UBE2M: variants seen among roughly 807,000 people sequenced by gnomAD.
UBE2M encodes the protein ubiquitin conjugating enzyme E2 M.
Under a neutral mutation model 23.5 loss-of-function variants are expected in UBE2M, and 2 were observed. The observed-to-expected ratio is 0.09, with a 90% CI of 0.03 to 0.27. UBE2M has a LOEUF of 0.27. UBE2M is among the 10% of genes least tolerant of loss of function. The probability of loss-of-function intolerance (pLI) is 1.00; values close to 1 mark genes in which losing one functional copy is unlikely to be tolerated. For missense variants in UBE2M, 103 were observed against 232.9 expected (o/e 0.44, Z 3.63); for synonymous variants, 97 against 95.2 (o/e 1.02, Z -0.11).
chr19:58,555,980 G>A lies in UBE2M; in HGVS notation c.*109C>T. ...AGGAAGGGGAGGCAAGGCCAAGGCA[G>A]GGGATTCCCCCACCGGCCGCCCCCC... is the stretch of plus-strand genomic sequence containing the variant. On this transcript the variant is annotated 3_prime_UTR_variant, in exon 6 of 6. Transcript: ENST00000253023. 3 of 1,453,758 alleles carry A rather than the reference G, an allele frequency of 2.1e-6. No individual in the cohort carries two copies. The highest frequency in any genetic ancestry group is 2.8e-6 in the Non-Finnish European group (3 of 1,087,170). 90.1% of individuals were successfully genotyped at this position (1,453,758 alleles called of 1,614,324 possible). A position where few individuals can be genotyped will look rare whatever the true frequency, so the allele number is the denominator to read the frequency against.
In UBE2M at chr19:58,556,401, G is replaced by C; in HGVS notation, c.348-22C>G. 2 of 1,612,840 alleles carry C rather than the reference G, an allele frequency of 1.2e-6. No homozygotes were observed. Among genetic ancestry groups the C allele is most frequent in the Non-Finnish European group, 1.7e-6 (2 of 1,179,650 alleles). ...CTCTCTGTGGACAGAGAGCATCAGG[G>C]TCAGGGCTTGGTGAGTGGGAGACTG... On this transcript the variant is annotated intron_variant, in intron 4 of 5. Coordinates refer to ENST00000253023, the MANE Select transcript of UBE2M (RefSeq NM_003969.4). The surrounding 1 kb of genome is among the most constrained non-coding windows in gnomAD (Gnocchi z 4.9).
In UBE2M at chr19:58,556,707, G is replaced by A. The variant is rs1208952575; in HGVS notation, c.327C>T (p.Asn109=). 2.6e-6 allele frequency: 4 copies of A among 1,530,386 alleles called. No individual in the cohort carries two copies. The highest frequency in any genetic ancestry group is 2.6e-5 in the South Asian group (2 of 76,616). The allele number at this position is 1,530,386 out of a possible 1,614,324, so 94.8% of individuals were successfully genotyped here. A position where few individuals can be genotyped will look rare whatever the true frequency, so the allele number is the denominator to read the frequency against. Residue 109 remains asparagine (N), a synonymous_variant, in exon 4 of 6, where the codon AAC becomes AAT. Coordinates refer to ENST00000253023, the MANE Select transcript of UBE2M (RefSeq NM_003969.4). This position sits in a 1 kb window ranked among gnomAD's most constrained non-coding sequence, Gnocchi z 4.9. ...VYHPNIDLEG[N]VCLNILREDW... ...CTCACCTGAGGATGTTGAGGCAGAC[G>A]TTGCCCTCGAGGTCAATGTTGGGGT...
In UBE2M at chr19:58,558,567, C is replaced by T. The variant is rs919234607; in HGVS notation, c.-186G>A. ...TCCGCGCCCACCGCGCGGCCCGCCTCGGCTCCCGTAGTCCGGCTCCGGCCT... is the reference window on the plus strand; with the variant it reads ...TCCGCGCCCACCGCGCGGCCCGCCTTGGCTCCCGTAGTCCGGCTCCGGCCT... On this transcript the variant is annotated 5_prime_UTR_variant, in exon 1 of 6. Transcript: ENST00000253023. The surrounding 1 kb of genome is among the most constrained non-coding windows in gnomAD (Gnocchi z 4.7). 2.4e-5 allele frequency: 4 copies of T among 166,164 alleles called. No individual in the cohort carries two copies. Among genetic ancestry groups the T allele is most frequent in the African/African-American group, 9.6e-5 (4 of 41,554 alleles). The allele number at this position is 166,164 out of a possible 1,614,324, so 10.3% of individuals were successfully genotyped here.
chr19:58,556,274 G>C lies in UBE2M; in HGVS notation c.411+42C>G. On this transcript the variant is annotated intron_variant, in intron 5 of 5. Transcript: ENST00000253023. The surrounding 1 kb of genome is among the most constrained non-coding windows in gnomAD (Gnocchi z 4.9). ...GGGGGGTCAACAGGCCAGAGGGACA[G>C]AAGGCCAATCTCCCCAGACCCAACC... 6.2e-7 allele frequency: 1 copy of C among 1,614,058 alleles called. No individual in the cohort carries two copies. The highest frequency in any genetic ancestry group is 8.5e-7 in the Non-Finnish European group (1 of 1,179,928).
At position 58,558,316 on chromosome 19, in the gene UBE2M, G is replaced by C; in HGVS notation, c.66C>G (p.Gly22=). 1 of 1,600,774 alleles carries C rather than the reference G, an allele frequency of 6.2e-7. No homozygotes were observed. The highest frequency in any genetic ancestry group is 8.5e-7 in the Non-Finnish European group (1 of 1,174,714). ...GCGCCGCCGACGCCTTCTTGCTGCT[G>C]CCCTTGGTGCCGCCCGCCGACTCCT... ...KEEESAGGTK[G]SSKKASAAQL... is the part of the protein sequence containing the mutation. The change falls in exon 1 of 6, where the codon GGC becomes GGG. Residue 22 remains glycine, a synonymous_variant. Coordinates refer to ENST00000253023, the MANE Select transcript of UBE2M (RefSeq NM_003969.4). The surrounding 1 kb of genome is among the most constrained non-coding windows in gnomAD (Gnocchi z 4.7).
Position 58,555,793 on chromosome 19 carries a change from C to T in UBE2M, c.*296G>A, listed in dbSNP as rs2053885105. 1.4e-5 allele frequency: 6 copies of T among 433,338 alleles called. No individual in the cohort carries two copies. The highest frequency in any genetic ancestry group is 5.5e-5 in the South Asian group (2 of 36,498). 26.8% of individuals were successfully genotyped at this position (433,338 alleles called of 1,614,324 possible). A position where few individuals can be genotyped will look rare whatever the true frequency, so the allele number is the denominator to read the frequency against. On this transcript the variant is annotated 3_prime_UTR_variant, in exon 6 of 6. Transcript: ENST00000253023. ...TTGCCTGGGCCCAGCTACCCAGGCCCGTTGCCCACCCACTCCACAGCCCAG... is the reference window on the plus strand; with the variant it reads ...TTGCCTGGGCCCAGCTACCCAGGCCTGTTGCCCACCCACTCCACAGCCCAG...
rs974522794 is a variant in UBE2M, at chr19:58,555,737, C to T, written c.*352G>A. 1.7e-4 allele frequency: 51 copies of T among 308,390 alleles called. No homozygotes were observed. In the South Asian group the frequency reaches 1.7e-3, roughly 10 times the overall value. 19.1% of individuals were successfully genotyped at this position (308,390 alleles called of 1,614,324 possible). A position where few individuals can be genotyped will look rare whatever the true frequency, so the allele number is the denominator to read the frequency against. On this transcript the variant is annotated 3_prime_UTR_variant, in exon 6 of 6. Transcript: ENST00000253023. ...TGCAGTAACATTCCCCTTTAATAGC[C>T]TGGTGGGACCTCCAGAGGTGGAGGG...
Position 58,555,935 on chromosome 19 carries a change from A to T in UBE2M, c.*154T>A, listed in dbSNP as rs1211283607. On this transcript the variant is annotated 3_prime_UTR_variant, in exon 6 of 6. Transcript: ENST00000253023. ...AATCACATGGTGTTAAAAAAAAAAA[A>T]ATAACTAGGGGCACGTGGCAGGAAG... 19 of 1,102,612 alleles carry T rather than the reference A, an allele frequency of 1.7e-5. No homozygotes were observed. Among genetic ancestry groups the T allele is most frequent in the Non-Finnish European group, 2.4e-5 (19 of 796,624 alleles). The allele number at this position is 1,102,612 out of a possible 1,614,324, so 68.3% of individuals were successfully genotyped here.
In UBE2M at chr19:58,555,793, C is replaced by G; in HGVS notation, c.*296G>C. 9 of 433,338 alleles carry G rather than the reference C, an allele frequency of 2.1e-5. No individual in the cohort carries two copies. In the South Asian group the frequency reaches 2.5e-4, roughly 12 times the overall value. The allele number at this position is 433,338 out of a possible 1,614,324, so 26.8% of individuals were successfully genotyped here. A position where few individuals can be genotyped will look rare whatever the true frequency, so the allele number is the denominator to read the frequency against. ...TTGCCTGGGCCCAGCTACCCAGGCC[C>G]GTTGCCCACCCACTCCACAGCCCAG... On this transcript the variant is annotated 3_prime_UTR_variant, in exon 6 of 6. Coordinates refer to ENST00000253023, the MANE Select transcript of UBE2M (RefSeq NM_003969.4).
Position 58,556,491 on chromosome 19 carries a change from C to T in UBE2M, c.348-112G>A. On this transcript the variant is annotated intron_variant, in intron 4 of 5. Coordinates refer to ENST00000253023, the MANE Select transcript of UBE2M (RefSeq NM_003969.4). This position sits in a 1 kb window ranked among gnomAD's most constrained non-coding sequence, Gnocchi z 4.9. ...CATAGGAGAGTGAGCATGTGAGAGG[C>T]TGGGAGGGAGGGTGTGGAGCAGGAC... is the stretch of plus-strand genomic sequence containing the variant. The T allele has an allele frequency of 8.0e-7, 1 of 1,252,930 alleles. No homozygotes were observed. The highest frequency in any genetic ancestry group is 1.1e-6 in the Non-Finnish European group (1 of 881,500). The allele number at this position is 1,252,930 out of a possible 1,614,324, so 77.6% of individuals were successfully genotyped here. A position where few individuals can be genotyped will look rare whatever the true frequency, so the allele number is the denominator to read the frequency against.
rs748542564 is a variant in UBE2M, at chr19:58,557,176, G to C, written c.110-19C>G. The C allele has an allele frequency of 1.4e-5, 23 of 1,612,120 alleles. No homozygotes were observed. The highest frequency in any genetic ancestry group is 2.2e-5 in the South Asian group (2 of 91,048). ...TTTATGTCTGGGTTTGGGTAGCAGA[G>C]AGTCGGGAACAGAAAGAGGGAGGGG... On this transcript the variant is annotated intron_variant, in intron 1 of 5. Coordinates refer to ENST00000253023, the MANE Select transcript of UBE2M (RefSeq NM_003969.4).
Position 58,556,622 on chromosome 19 carries a change from A to C in UBE2M, c.347+65T>G. 1 of 1,393,020 alleles carries C rather than the reference A, an allele frequency of 7.2e-7. No homozygotes were observed. The highest frequency in any genetic ancestry group is 9.8e-7 in the Non-Finnish European group (1 of 1,024,718). The allele number at this position is 1,393,020 out of a possible 1,614,324, so 86.3% of individuals were successfully genotyped here. Reference sequence around the variant, plus strand: ...AGGGACAGAGTCTGATGTAGTGCCCACAAGACCATGAGGGAGGCCTGGCAG... The same window carrying C: ...AGGGACAGAGTCTGATGTAGTGCCCCCAAGACCATGAGGGAGGCCTGGCAG... On this transcript the variant is annotated intron_variant, in intron 4 of 5. Transcript: ENST00000253023. This position sits in a 1 kb window ranked among gnomAD's most constrained non-coding sequence, Gnocchi z 4.9.
In UBE2M at chr19:58,555,916, A is replaced by G. The variant is rs149960921; in HGVS notation, c.*173T>C. 1,214 of 858,272 alleles carry G rather than the reference A, an allele frequency of 1.4e-3. 11 individuals carry two copies. The African/African-American group carries it at 0.019, about 14-fold the overall frequency. The allele number at this position is 858,272 out of a possible 1,614,324, so 53.2% of individuals were successfully genotyped here. On this transcript the variant is annotated 3_prime_UTR_variant, in exon 6 of 6. Transcript: ENST00000253023. ...GGGAGGCAGCGCCGACCTTAATCACATGGTGTTAAAAAAAAAAAAATAACT... is the reference window on the plus strand; with the variant it reads ...GGGAGGCAGCGCCGACCTTAATCACGTGGTGTTAAAAAAAAAAAAATAACT...
In UBE2M at chr19:58,557,180, C is replaced by T. The variant is rs776581574; in HGVS notation, c.110-23G>A. Reference sequence around the variant, plus strand: ...TGTCTGGGTTTGGGTAGCAGAGAGTCGGGAACAGAAAGAGGGAGGGGAAGA... The same window carrying T: ...TGTCTGGGTTTGGGTAGCAGAGAGTTGGGAACAGAAAGAGGGAGGGGAAGA... On this transcript the variant is annotated intron_variant, in intron 1 of 5. Transcript: ENST00000253023. The T allele has an allele frequency of 2.2e-5, 35 of 1,610,276 alleles. No individual in the cohort carries two copies. The South Asian group carries it at 3.1e-4, about 14-fold the overall frequency.
chr19:58,558,382 C>CCTGCCG lies in UBE2M; in HGVS notation c.-7_-2dup. The CCTGCCG allele has an allele frequency of 1.4e-6, 2 of 1,428,242 alleles. No individual in the cohort carries two copies. The highest frequency in any genetic ancestry group is 1.8e-6 in the Non-Finnish European group (2 of 1,081,378). 88.5% of individuals were successfully genotyped at this position (1,428,242 alleles called of 1,614,324 possible). ...GCTTCAGCGAGAACAGCTTGATCATCCTGCCGCCGCCGCCGCCGCTGCCGC... is the reference window on the plus strand; with the variant it reads ...GCTTCAGCGAGAACAGCTTGATCATCCTGCCGCTGCCGCCGCCGCCGCCGCTGCCGC... On this transcript the variant is annotated 5_prime_UTR_variant, in exon 1 of 6. Transcript: ENST00000253023. The surrounding 1 kb of genome is among the most constrained non-coding windows in gnomAD (Gnocchi z 4.7).
In UBE2M at chr19:58,555,877, G is replaced by A. The variant is rs1600090722; in HGVS notation, c.*212C>T. 1.6e-6 allele frequency: 1 copy of A among 623,432 alleles called. No homozygotes were observed. Among genetic ancestry groups the A allele is most frequent in the East Asian group, 2.8e-5 (1 of 35,126 alleles). 38.6% of individuals were successfully genotyped at this position (623,432 alleles called of 1,614,324 possible). On this transcript the variant is annotated 3_prime_UTR_variant, in exon 6 of 6. Transcript: ENST00000253023. ...TAGACAAGCCAATTCATTTCCCATC[G>A]CTGAGTGGGTCGGGGGAGGCAGCGC...
In UBE2M at chr19:58,556,490, G is replaced by T; in HGVS notation, c.348-111C>A. Reference sequence around the variant, plus strand: ...GCATAGGAGAGTGAGCATGTGAGAGGCTGGGAGGGAGGGTGTGGAGCAGGA... The same window carrying T: ...GCATAGGAGAGTGAGCATGTGAGAGTCTGGGAGGGAGGGTGTGGAGCAGGA... On this transcript the variant is annotated intron_variant, in intron 4 of 5. Coordinates refer to ENST00000253023, the MANE Select transcript of UBE2M (RefSeq NM_003969.4). This position sits in a 1 kb window ranked among gnomAD's most constrained non-coding sequence, Gnocchi z 4.9. 8.0e-7 allele frequency: 1 copy of T among 1,255,992 alleles called. No homozygotes were observed. Among genetic ancestry groups the T allele is most frequent in the Non-Finnish European group, 1.1e-6 (1 of 883,330 alleles). 77.8% of individuals were successfully genotyped at this position (1,255,992 alleles called of 1,614,324 possible). A position where few individuals can be genotyped will look rare whatever the true frequency, so the allele number is the denominator to read the frequency against.
rs2053894342 is a variant in UBE2M at position 58,556,835 on chromosome 19, G to A, written c.244-45C>T. The A allele has an allele frequency of 6.2e-7, 1 of 1,613,186 alleles. No homozygotes were observed. Among genetic ancestry groups the A allele is most frequent in the Admixed American group, 1.7e-5 (1 of 59,860 alleles). ...AGAGAGATGGGTAGGTGCCTGGAAG[G>A]GCCTCAGCTGCTGCCTCCTCTGTCC... On this transcript the variant is annotated intron_variant, in intron 3 of 5. Coordinates refer to ENST00000253023, the MANE Select transcript of UBE2M (RefSeq NM_003969.4). The surrounding 1 kb of genome is among the most constrained non-coding windows in gnomAD (Gnocchi z 4.9).
chr19:58,558,216 C>T lies in UBE2M; in HGVS notation c.109+57G>A. 6.8e-7 allele frequency: 1 copy of T among 1,473,816 alleles called. No individual in the cohort carries two copies. Among genetic ancestry groups the T allele is most frequent in the Non-Finnish European group, 9.2e-7 (1 of 1,081,242 alleles). 91.3% of individuals were successfully genotyped at this position (1,473,816 alleles called of 1,614,324 possible). ...ACCCCTTCCTGACTCCCACATCACC[C>T]TGCCTCAGGCCCTGACCTCCGACCT... On this transcript the variant is annotated intron_variant, in intron 1 of 5. Transcript: ENST00000253023. This position sits in a 1 kb window ranked among gnomAD's most constrained non-coding sequence, Gnocchi z 4.7.
Sources: allele counts gnomAD v4.1 joint callset, GRCh38; gene constraint gnomAD v4.1.1; non-coding constraint Gnocchi (gnomAD v3.1); transcripts MANE v1.5; gene names NCBI Gene and HGNC (gene_info 2026-07-23, HGNC 2026-07-21).